C1orf74: variants seen among roughly 807,000 people sequenced by gnomAD.
C1orf74 encodes the protein UPF0739 protein C1orf74.
C1orf74 carries 5 observed loss-of-function variants against 7.3 expected under a neutral mutation model. The ratio of observed to expected loss-of-function variants is 0.68; its 90% CI spans 0.36 to 1.44. C1orf74 has a LOEUF of 1.44. Ranked by LOEUF, C1orf74 falls within the 40% of genes most tolerant of loss-of-function variation. The probability of loss-of-function intolerance (pLI) is 0.04; values close to 1 mark genes in which losing one functional copy is unlikely to be tolerated. For missense variants in C1orf74, 291 were observed against 314.3 expected (o/e 0.93, Z 0.56); for synonymous variants, 121 against 132.5 (o/e 0.91, Z 0.59).
chr1:209,782,880 A>C lies in C1orf74; in HGVS notation c.755T>G (p.Phe252Cys), dbSNP rs777893458. The C allele has an allele frequency of 1.1e-4, 174 of 1,614,006 alleles. No individual in the cohort carries two copies. The highest frequency in any genetic ancestry group is 1.4e-5 in the Non-Finnish European group (17 of 1,180,026). Residue 252 changes from phenylalanine (F) to cysteine (C), a missense_variant, in exon 2 of 2, where the codon TTT (phenylalanine) becomes TGT (cysteine). Phe to Cys is a radical substitution (Grantham distance 205). Transcript: ENST00000294811. Reference protein sequence around the residue: ...LRTRFRTQNDFADLSISSEIV... With the variant: ...LRTRFRTQNDCADLSISSEIV... Reference sequence around the variant, plus strand: ...CTCAGAGGAGATGCTGAGATCAGCAAAGTCATTCTGAGTCCTAAATCGGGT... The same window carrying C: ...CTCAGAGGAGATGCTGAGATCAGCACAGTCATTCTGAGTCCTAAATCGGGT...
chr1:209,780,389 C>T lies in C1orf74; in HGVS notation c.*2436G>A. 10 of 1,326,626 alleles carry T rather than the reference C, an allele frequency of 7.5e-6. No homozygotes were observed. Among genetic ancestry groups the T allele is most frequent in the East Asian group, 5.5e-5 (2 of 36,518 alleles). 82.2% of individuals were successfully genotyped at this position (1,326,626 alleles called of 1,614,324 possible). A position where few individuals can be genotyped will look rare whatever the true frequency, so the allele number is the denominator to read the frequency against. On this transcript the variant is annotated 3_prime_UTR_variant, in exon 2 of 2. Coordinates refer to ENST00000294811, the MANE Select transcript of C1orf74 (RefSeq NM_152485.4). ...CCTCCCAAGTTCCCTCCCCTCTCCCCACTCCTAGTGGTTTCACCCTCAGGG... is the reference window on the plus strand; with the variant it reads ...CCTCCCAAGTTCCCTCCCCTCTCCCTACTCCTAGTGGTTTCACCCTCAGGG...
rs376068482 is a variant in C1orf74 at position 209,780,561 on chromosome 1, C to G, written c.*2264G>C. 10 of 1,599,740 alleles carry G rather than the reference C, an allele frequency of 6.3e-6. No individual in the cohort carries two copies. Among genetic ancestry groups the G allele is most frequent in the African/African-American group, 4.0e-5 (3 of 74,268 alleles). Reference sequence around the variant, plus strand: ...AGGAGAAAGACTGGGATCTCAGAGACCAGCTGCAAAAGAAGACTTTGCAGC... The same window carrying G: ...AGGAGAAAGACTGGGATCTCAGAGAGCAGCTGCAAAAGAAGACTTTGCAGC... On this transcript the variant is annotated 3_prime_UTR_variant, in exon 2 of 2. Transcript: ENST00000294811.
At position 209,781,870 on chromosome 1, in the gene C1orf74, G is replaced by C. The variant is rs2077788873; in HGVS notation, c.*955C>G. ...CTGATGGATACGGCTCCCTGGGCCA[G>C]AGAACATTGGTTAAGTGGTTTTATC... On this transcript the variant is annotated 3_prime_UTR_variant, in exon 2 of 2. Coordinates refer to ENST00000294811, the MANE Select transcript of C1orf74 (RefSeq NM_152485.4). The C allele has an allele frequency of 1.7e-6, 1 of 587,608 alleles. No homozygotes were observed. The highest frequency in any genetic ancestry group is 3.0e-6 in the Non-Finnish European group (1 of 328,074). 36.4% of individuals were successfully genotyped at this position (587,608 alleles called of 1,614,324 possible).
Position 209,783,605 on chromosome 1 carries a change from C to A in C1orf74, c.30G>T (p.Pro10=). The change falls in exon 2 of 2, where the codon CCG becomes CCT. Residue 10 remains proline (P), a synonymous_variant. Transcript: ENST00000294811. Reference sequence around the variant, plus strand: ...CAGCTGCCACCAGCAGCTGAGGGCTCGGTGATGACATGAGATCTAGAAGCA... The same window carrying A: ...CAGCTGCCACCAGCAGCTGAGGGCTAGGTGATGACATGAGATCTAGAAGCA... MLLLDLMSS[P]SPQLLVAAAQ... 1 of 1,605,376 alleles carries A rather than the reference C, an allele frequency of 6.2e-7. No homozygotes were observed. Among genetic ancestry groups the A allele is most frequent in the South Asian group, 1.1e-5 (1 of 90,136 alleles).
In C1orf74 at chr1:209,779,279, T is replaced by C; in HGVS notation, c.*3546A>G. ...AAAAGAAAACTTTTTGTAGTAAATA[T>C]GCTAGCATAGACAAGTTCCTTGTGT... On this transcript the variant is annotated 3_prime_UTR_variant, in exon 2 of 2. Coordinates refer to ENST00000294811, the MANE Select transcript of C1orf74 (RefSeq NM_152485.4). 1.9e-6 allele frequency: 3 copies of C among 1,597,942 alleles called. No homozygotes were observed. Among genetic ancestry groups the C allele is most frequent in the Non-Finnish European group, 2.6e-6 (3 of 1,166,178 alleles).
rs534781360 is a variant in C1orf74 at position 209,780,348 on chromosome 1, C to A, written c.*2477G>T. 1.5e-5 allele frequency: 13 copies of A among 895,990 alleles called. No individual in the cohort carries two copies. The highest frequency in any genetic ancestry group is 3.0e-5 in the Admixed American group (1 of 33,614). 55.5% of individuals were successfully genotyped at this position (895,990 alleles called of 1,614,324 possible). On this transcript the variant is annotated 3_prime_UTR_variant, in exon 2 of 2. Transcript: ENST00000294811. The stretch of plus-strand genomic sequence containing the variant: ...CTTTATGTCAGAGAATGCCATCAGT[C>A]TAGCCAAGAGCACGCCCTCCCAAGT...
At position 209,780,609 on chromosome 1, in the gene C1orf74, G is replaced by T; in HGVS notation, c.*2216C>A. 6.3e-7 allele frequency: 1 copy of T among 1,582,712 alleles called. No homozygotes were observed. Among genetic ancestry groups the T allele is most frequent in the South Asian group, 1.1e-5 (1 of 87,660 alleles). ...AGCTCCAGGCCAAGGAAAAGGAGGT[G>T]AGAGGGTGACCTGAGATAGTGAGGG... On this transcript the variant is annotated 3_prime_UTR_variant, in exon 2 of 2. Coordinates refer to ENST00000294811, the MANE Select transcript of C1orf74 (RefSeq NM_152485.4).
chr1:209,780,338 T>C lies in C1orf74; in HGVS notation c.*2487A>G. 1 of 740,972 alleles carries C rather than the reference T, an allele frequency of 1.3e-6. No homozygotes were observed. The highest frequency in any genetic ancestry group is 4.3e-5 in the South Asian group (1 of 23,362). 45.9% of individuals were successfully genotyped at this position (740,972 alleles called of 1,614,324 possible). ...GGAAGTTAACCTTTATGTCAGAGAATGCCATCAGTCTAGCCAAGAGCACGC... is the reference window on the plus strand; with the variant it reads ...GGAAGTTAACCTTTATGTCAGAGAACGCCATCAGTCTAGCCAAGAGCACGC... On this transcript the variant is annotated 3_prime_UTR_variant, in exon 2 of 2. Coordinates refer to ENST00000294811, the MANE Select transcript of C1orf74 (RefSeq NM_152485.4).
In C1orf74 at chr1:209,783,261, G is replaced by T; in HGVS notation, c.374C>A (p.Ser125Tyr). ...CTGAAGCTGGTCCAGGGAGCAGACA[G>T]AAGGGTGACGCTGGCAGCTGGAAAC... ...VDVSSCQRHPSVCSLDQLQDL... is the reference protein window; with the variant it reads ...VDVSSCQRHPYVCSLDQLQDL... The change falls in exon 2 of 2, where the codon TCT becomes TAT. Residue 125 changes from serine (S) to tyrosine (Y), a missense_variant. Ser to Tyr is a moderately radical substitution (Grantham distance 144). Coordinates refer to ENST00000294811, the MANE Select transcript of C1orf74 (RefSeq NM_152485.4). 1 of 1,614,206 alleles carries T rather than the reference G, an allele frequency of 6.2e-7. No homozygotes were observed. The highest frequency in any genetic ancestry group is 1.1e-5 in the South Asian group (1 of 91,084).
chr1:209,781,402 C>T lies in C1orf74; in HGVS notation c.*1423G>A, dbSNP rs753377939. 3.7e-6 allele frequency: 6 copies of T among 1,613,462 alleles called. No individual in the cohort carries two copies. The highest frequency in any genetic ancestry group is 1.6e-4 in the Middle Eastern group (1 of 6,076). On this transcript the variant is annotated 3_prime_UTR_variant, in exon 2 of 2. Coordinates refer to ENST00000294811, the MANE Select transcript of C1orf74 (RefSeq NM_152485.4). Reference sequence around the variant, plus strand: ...CAGTGACGAGTATCTCTCCTGCCTGCGTAAGCTGCAGCACTGTCGAGAAGA... The same window carrying T: ...CAGTGACGAGTATCTCTCCTGCCTGTGTAAGCTGCAGCACTGTCGAGAAGA...
rs1186154030 is a variant in C1orf74 at position 209,782,721 on chromosome 1, T to G, written c.*104A>C. The G allele has an allele frequency of 8.5e-7, 1 of 1,175,074 alleles. No individual in the cohort carries two copies. The allele number at this position is 1,175,074 out of a possible 1,614,324, so 72.8% of individuals were successfully genotyped here. A position where few individuals can be genotyped will look rare whatever the true frequency, so the allele number is the denominator to read the frequency against. Reference sequence around the variant, plus strand: ...ACTGATCTACAGCATTGTGCCTTAGTGTATTCAAGACACTTGGAATTGGCA... The same window carrying G: ...ACTGATCTACAGCATTGTGCCTTAGGGTATTCAAGACACTTGGAATTGGCA... On this transcript the variant is annotated 3_prime_UTR_variant, in exon 2 of 2. Transcript: ENST00000294811.
rs1037559849 is a variant in C1orf74, at chr1:209,780,291, C to A, written c.*2534G>T. 4.2e-6 allele frequency: 2 copies of A among 474,664 alleles called. No homozygotes were observed. The highest frequency in any genetic ancestry group is 7.1e-6 in the Non-Finnish European group (2 of 280,640). The allele number at this position is 474,664 out of a possible 1,614,324, so 29.4% of individuals were successfully genotyped here. A position where few individuals can be genotyped will look rare whatever the true frequency, so the allele number is the denominator to read the frequency against. ...AGGAGCTCAGATTCCAGCTGTCTGTCCAAGCTTAGCAGGGGCCTACTGGAA... is the reference window on the plus strand; with the variant it reads ...AGGAGCTCAGATTCCAGCTGTCTGTACAAGCTTAGCAGGGGCCTACTGGAA... On this transcript the variant is annotated 3_prime_UTR_variant, in exon 2 of 2. Transcript: ENST00000294811.
In C1orf74 at chr1:209,781,978, GGAA is replaced by G. The variant is rs1355567993; in HGVS notation, c.*844_*846del. ...CAGCGTTTTCCACTGGGCTAGAGTA[GGAA>G]GAAGAAAGATTTTTGCCTATATCTT... On this transcript the variant is annotated 3_prime_UTR_variant, in exon 2 of 2. Transcript: ENST00000294811. 8.2e-6 allele frequency: 10 copies of G among 1,219,894 alleles called. No homozygotes were observed. The East Asian group carries it at 1.6e-4, about 20-fold the overall frequency. 75.6% of individuals were successfully genotyped at this position (1,219,894 alleles called of 1,614,324 possible).
chr1:209,782,515 C>T lies in C1orf74; in HGVS notation c.*310G>A. 1.3e-5 allele frequency: 6 copies of T among 478,580 alleles called. No homozygotes were observed. The highest frequency in any genetic ancestry group is 2.3e-5 in the Non-Finnish European group (6 of 265,378). The allele number at this position is 478,580 out of a possible 1,614,324, so 29.6% of individuals were successfully genotyped here. A position where few individuals can be genotyped will look rare whatever the true frequency, so the allele number is the denominator to read the frequency against. ...AAGGTTACCATGCAAGAGTGTTTGG[C>T]TTGTCTTCCATCACCCTGCTTTTCC... is the stretch of plus-strand genomic sequence containing the variant. On this transcript the variant is annotated 3_prime_UTR_variant, in exon 2 of 2. Transcript: ENST00000294811.
chr1:209,782,064 T>A lies in C1orf74; in HGVS notation c.*761A>T, dbSNP rs920841438. The A allele has an allele frequency of 5.6e-6, 9 of 1,613,898 alleles. No individual in the cohort carries two copies. In the African/African-American group the frequency reaches 1.1e-4, roughly 19 times the overall value. ...TCCCTGTCCCCCTACAGAGGCAATGTGGGCGATGGCTCCCAGTGCTGATGG... is the reference window on the plus strand; with the variant it reads ...TCCCTGTCCCCCTACAGAGGCAATGAGGGCGATGGCTCCCAGTGCTGATGG... On this transcript the variant is annotated 3_prime_UTR_variant, in exon 2 of 2. Transcript: ENST00000294811.
At position 209,781,528 on chromosome 1, in the gene C1orf74, C is replaced by G; in HGVS notation, c.*1297G>C. ...ATTCCTTCTTTAACCAAGTTTTGCA[C>G]ATAAAATATATCAGCCCACGCCAAC... On this transcript the variant is annotated 3_prime_UTR_variant, in exon 2 of 2. Transcript: ENST00000294811. The G allele has an allele frequency of 8.4e-7, 1 of 1,185,364 alleles. No homozygotes were observed. Among genetic ancestry groups the G allele is most frequent in the Non-Finnish European group, 1.3e-6 (1 of 796,412 alleles). The allele number at this position is 1,185,364 out of a possible 1,614,324, so 73.4% of individuals were successfully genotyped here.
chr1:209,782,154 T>G lies in C1orf74; in HGVS notation c.*671A>C. 1 of 1,610,008 alleles carries G rather than the reference T, an allele frequency of 6.2e-7. No homozygotes were observed. Among genetic ancestry groups the G allele is most frequent in the East Asian group, 2.2e-5 (1 of 44,848 alleles). On this transcript the variant is annotated 3_prime_UTR_variant, in exon 2 of 2. Transcript: ENST00000294811. Reference sequence around the variant, plus strand: ...AAGACAACCTGATGATCTGAATAATTTGTGACAACTGCCTTGGGTGAAAAT... The same window carrying G: ...AAGACAACCTGATGATCTGAATAATGTGTGACAACTGCCTTGGGTGAAAAT...
chr1:209,783,081 A>C lies in C1orf74; in HGVS notation c.554T>G (p.Phe185Cys), dbSNP rs144114068. The C allele has an allele frequency of 2.5e-4, 402 of 1,614,064 alleles. No individual in the cohort carries two copies. Among genetic ancestry groups the C allele is most frequent in the Non-Finnish European group, 3.3e-4 (384 of 1,180,036 alleles). Reference sequence around the variant, plus strand: ...GTTGTCATCTCCCTGGTTCAGGTGAAAGGTATAGGGAACAGGATAGCCCAG... The same window carrying C: ...GTTGTCATCTCCCTGGTTCAGGTGACAGGTATAGGGAACAGGATAGCCCAG... ...ILLGYPVPYT[F>C]HLNQGDDNCL... Residue 185 changes from phenylalanine (F) to cysteine (C), a missense_variant, in exon 2 of 2, where the codon TTT becomes TGT. Physicochemically the swap from Phe to Cys is radical, Grantham distance 205. Coordinates refer to ENST00000294811, the MANE Select transcript of C1orf74 (RefSeq NM_152485.4).
Position 209,779,399 on chromosome 1 carries a change from T to A in C1orf74, c.*3426A>T. On this transcript the variant is annotated 3_prime_UTR_variant, in exon 2 of 2. Transcript: ENST00000294811. ...GGTCAGCAAATTTATTACCACAAATTCTAAGATATTGCTCTTCTCTTACCT... is the reference window on the plus strand; with the variant it reads ...GGTCAGCAAATTTATTACCACAAATACTAAGATATTGCTCTTCTCTTACCT... The A allele has an allele frequency of 1.3e-5, 20 of 1,598,590 alleles. No homozygotes were observed. The highest frequency in any genetic ancestry group is 1.7e-5 in the Non-Finnish European group (20 of 1,165,916).
Sources: allele counts gnomAD v4.1 joint callset, GRCh38; gene constraint gnomAD v4.1.1; transcripts MANE v1.5; gene names NCBI Gene and HGNC (gene_info 2026-07-23, HGNC 2026-07-21).